Variants in SVEP1 observed in about 807,000 individuals in gnomAD.
The protein encoded by SVEP1 is sushi, von Willebrand factor type A, EGF and pentraxin domain-containing protein 1.
SVEP1 carries 164 observed loss-of-function variants against 367.3 expected under a neutral mutation model. That is an observed-to-expected ratio of 0.45 (90% confidence interval 0.39 to 0.51). SVEP1 has a LOEUF of 0.51. Among genes scored for constraint, SVEP1 ranks in the 20% least tolerant of loss-of-function variants. The pLI is 0.00. For synonymous variants in SVEP1, 1,666 were observed against 1,611.6 expected, an observed-to-expected ratio of 1.03 and a Z score of -0.81; for missense variants, 4,117 against 4,425.3, an observed-to-expected ratio of 0.93 and a Z score of 1.98.
chr9:110,430,032 C>CT, intron 33 of SVEP1, 28 bp from the exon 34 acceptor site: 1 of 1,603,842 alleles, frequency 6.2e-7, no homozygotes. Context: ...AAACACGTGA[C>CT]TTTTTTGAGA....
At chr9:110,550,591 T>C (rs886666877) in intron 1 of SVEP1, among the ~76,000 whole-genome samples, 7 of 152,136 alleles carry the variant, frequency 4.6e-5, no homozygotes, top group African/African-American at 1.7e-4. Context: ...GAAGGAAATT[T>C]AACAGAACAT....
intron 33 of SVEP1, 112 bp downstream of exon 33, chr9:110,430,162 T>C: frequency 8.4e-7 from 1 of 1,196,490 alleles, no homozygotes; most frequent in African/African-American, 1.5e-5. Flanking sequence ...ATGAGCCTAA[T>C]ACCTCAGTTC....
intron 2 of SVEP1, among the ~76,000 whole-genome samples, chr9:110,549,615 G>C (rs1221367990): frequency 6.6e-6 from 1 of 152,048 alleles, no homozygotes; most frequent in East Asian, 1.9e-4. Context: ...GGATATTTTA[G>C]TGAAAACACA....
At chr9:110,435,951 C>T (rs988418540) in intron 28 of SVEP1, among the ~76,000 whole-genome samples, 1 of 152,028 alleles carries the variant, frequency 6.6e-6, no homozygotes, top group South Asian at 2.1e-4. Flanking sequence ...GGGATTTGAA[C>T]CCCAGCTGTT....
Position 110,407,524 on chromosome 9 carries a change from C to T in SVEP1, c.8076G>A (p.Leu2692=), listed in dbSNP as rs370137217. 4.9e-4 allele frequency: 790 copies of T among 1,613,974 alleles called. 3 individuals carry two copies. The highest frequency in any genetic ancestry group is 6.2e-4 in the Non-Finnish European group (732 of 1,179,888). The change falls in exon 38 of 48, where the codon CTG becomes CTA. Residue 2692 remains leucine (L), a synonymous_variant. Transcript: ENST00000374469. Reference sequence around the variant, plus strand: ...CCTGGCAGATCAGCACAGGGTTCCCCAGAAGTTCATATCCTGGATTACAGG... The same window carrying T: ...CCTGGCAGATCAGCACAGGGTTCCCTAGAAGTTCATATCCTGGATTACAGG... ...SYTCNPGYEL[L]GNPVLICQED... is the part of the protein sequence containing the mutation.
Position 110,447,068 on chromosome 9 carries a change from A to C in SVEP1, c.4104-11T>G, listed in dbSNP as rs1588057523. ...GCTGCACACAGGCATCTGAAAGAAA[A>C]CAAAATGTTGTAACAATTAGAACAG... On this transcript the variant is annotated splice_polypyrimidine_tract_variant and intron_variant, in intron 24 of 47. Transcript: ENST00000374469. 1 of 1,473,484 alleles carries C rather than the reference A, an allele frequency of 6.8e-7. No individual in the cohort carries two copies. Among genetic ancestry groups the C allele is most frequent in the Non-Finnish European group, 9.0e-7 (1 of 1,113,968 alleles). The allele number at this position is 1,473,484 out of a possible 1,614,324, so 91.3% of individuals were successfully genotyped here. A position where few individuals can be genotyped will look rare whatever the true frequency, so the allele number is the denominator to read the frequency against.
At chr9:110,373,802 G>A (rs1356037794) in intron 46 of SVEP1, among the ~76,000 whole-genome samples, 1 of 152,142 alleles carries the variant, frequency 6.6e-6, no homozygotes, top group Non-Finnish European at 1.5e-5. Context: ...ATCTAGTGGG[G>A]GAAGGGATAG....
At chr9:110,418,965 G>A (rs1828153224) in intron 36 of SVEP1, among the ~76,000 whole-genome samples, 1 of 58,096 alleles carries the variant, frequency 1.7e-5, no homozygotes, top group Non-Finnish European at 3.7e-5. Flanking sequence ...CCTGAAGGAA[G>A]CGCTAAACAT....
At chr9:110,520,384 T>C (rs1026572407) in intron 3 of SVEP1, among the ~76,000 whole-genome samples, 3 of 152,196 alleles carry the variant, frequency 2.0e-5, no homozygotes, top group African/African-American at 7.2e-5. Flanking sequence ...TTTTCCCTTT[T>C]TAATATGCGA....
chr9:110,405,138 T>C (rs1827935961), intron 38 of SVEP1, among the ~76,000 whole-genome samples: 1 of 152,224 alleles, frequency 6.6e-6, no homozygotes, highest in African/African-American at 2.4e-5. Flanking sequence ...ATTTACCTTA[T>C]TGTGGATATT....
intron 31 of SVEP1, among the ~76,000 whole-genome samples, chr9:110,432,254 AAT>A (rs963278487): frequency 5.9e-5 from 9 of 152,216 alleles, no homozygotes; most frequent in Admixed American, 3.3e-4. Context: ...GGGATATATA[AAT>A]ATAGTCTTAA....
intron 40 of SVEP1, among the ~76,000 whole-genome samples, chr9:110,397,437 A>C (rs1310557332): frequency 6.6e-6 from 1 of 152,222 alleles, no homozygotes; most frequent in African/African-American, 2.4e-5. Flanking sequence ...CTGGCATAAG[A>C]CAGGGATGCC....
chr9:110,366,485 A>C lies in SVEP1; in HGVS notation c.*54T>G. ...TGCATAAGTTCCAGGATGCCCAGGC[A>C]CTACCGAGGAGAGATGATCCTGCTT... On this transcript the variant is annotated 3_prime_UTR_variant, in exon 48 of 48. Coordinates refer to ENST00000374469, the MANE Select transcript of SVEP1 (RefSeq NM_153366.4). The C allele has an allele frequency of 6.7e-7, 1 of 1,484,672 alleles. No individual in the cohort carries two copies. The highest frequency in any genetic ancestry group is 9.0e-7 in the Non-Finnish European group (1 of 1,116,720). The allele number at this position is 1,484,672 out of a possible 1,614,324, so 92.0% of individuals were successfully genotyped here. A position where few individuals can be genotyped will look rare whatever the true frequency, so the allele number is the denominator to read the frequency against.
At chr9:110,534,917 A>T (rs543209766) in intron 3 of SVEP1, among the ~76,000 whole-genome samples, 1 of 152,174 alleles carries the variant, frequency 6.6e-6, no homozygotes, top group Admixed American at 6.5e-5. Flanking sequence ...GCTGGATATT[A>T]GGCCTTTGTC....
At chr9:110,404,605 T>A in intron 38 of SVEP1, 53 bp from the exon 39 acceptor site, 5 of 1,527,974 alleles carry the variant, frequency 3.3e-6, no homozygotes, top group Non-Finnish European at 4.5e-6. Context: ...ATATAGTTTC[T>A]GATCTATCCT....
intron 2 of SVEP1, among the ~76,000 whole-genome samples, chr9:110,547,169 G>T (rs979544356): frequency 1.3e-5 from 2 of 152,030 alleles, no homozygotes; most frequent in Non-Finnish European, 2.9e-5. Context: ...ATCTAGATAG[G>T]GGCAAAGCAA....
intron 47 of SVEP1, among the ~76,000 whole-genome samples, chr9:110,367,045 A>G (rs1827212167): frequency 6.6e-6 from 1 of 152,248 alleles, no homozygotes; most frequent in South Asian, 2.1e-4. Flanking sequence ...ACATTGAGGG[A>G]TTTAATGGAT....
At chr9:110,380,167 G>A (rs1022575341) in intron 43 of SVEP1, among the ~76,000 whole-genome samples, 3 of 152,108 alleles carry the variant, frequency 2.0e-5, no homozygotes, top group South Asian at 2.1e-4. Context: ...TTTTAAAAGG[G>A]ACATATGCGT....
chr9:110,384,845 A>G (rs1314717703), intron 43 of SVEP1, among the ~76,000 whole-genome samples: 1 of 152,214 alleles, frequency 6.6e-6, no homozygotes, highest in African/African-American at 2.4e-5. Flanking sequence ...TGTAGGCATG[A>G]TACATTCTTA....
Sources: allele counts gnomAD v4.1 joint callset (sites outside exome capture counted in the v4.1 genomes callset), GRCh38; gene constraint gnomAD v4.1.1; transcripts MANE v1.5; gene names NCBI Gene and HGNC (gene_info 2026-07-23, HGNC 2026-07-21).